Variants in BRD10 observed in about 807,000 individuals in gnomAD.
BRD10 encodes the protein uncharacterized bromodomain-containing protein 10.
chr9:6,007,326 G>A, the BRD10 span: 48 of 1,613,688 alleles, frequency 3.0e-5, no homozygotes, highest in South Asian at 4.7e-4. Context: ...CGAACTCGGT[G>A]ATGCCCCCGT....
chr9:5,965,888 C>G, the BRD10 span, among the ~76,000 whole-genome samples: 2 of 152,224 alleles, frequency 1.3e-5, no homozygotes, highest in East Asian at 3.9e-4. Context: ...CTCAGATAGA[C>G]AAGTGGACTG....
At chr9:5,952,050 T>G in the BRD10 span, among the ~76,000 whole-genome samples, 3 of 151,358 alleles carry the variant, frequency 2.0e-5, no homozygotes, top group African/African-American at 7.3e-5. Context: ...GAGACAGAGT[T>G]TCCCTCATTG....
chr9:5,933,665 A>T, the BRD10 span: 2 of 404,286 alleles, frequency 4.9e-6, no homozygotes, highest in Non-Finnish European at 1.0e-5. Context: ...AAAGGAAAAT[A>T]AAAAATAACT....
the BRD10 span, among the ~76,000 whole-genome samples, chr9:5,958,169 T>G: frequency 6.6e-6 from 1 of 152,100 alleles, no homozygotes; most frequent in Non-Finnish European, 1.5e-5. Flanking sequence ...GTTACAAAAG[T>G]ATACCCTAAT....
At chr9:5,977,211 T>A in the BRD10 span, among the ~76,000 whole-genome samples, 1 of 152,182 alleles carries the variant, frequency 6.6e-6, no homozygotes, top group Non-Finnish European at 1.5e-5. Flanking sequence ...GATAATGCCA[T>A]CTGTGTGCAC....
At chr9:5,923,729 T>C in the BRD10 span, among the ~76,000 whole-genome samples, 1 of 152,236 alleles carries the variant, frequency 6.6e-6, no homozygotes, top group Non-Finnish European at 1.5e-5. Context: ...CAATCTATTC[T>C]ATTTCTAGAG....
At chr9:5,977,370 C>T in the BRD10 span, among the ~76,000 whole-genome samples, 2 of 152,082 alleles carry the variant, frequency 1.3e-5, no homozygotes, top group Non-Finnish European at 2.9e-5. Context: ...TGGTATAGGC[C>T]AGCATAAGGC....
the BRD10 span, among the ~76,000 whole-genome samples, chr9:5,986,205 T>G: frequency 6.6e-6 from 1 of 152,204 alleles, no homozygotes; most frequent in African/African-American, 2.4e-5. Flanking sequence ...CTCCCACTTA[T>G]GAGTGAGAAC....
the BRD10 span, among the ~76,000 whole-genome samples, chr9:5,930,767 G>A: frequency 5.9e-5 from 9 of 152,204 alleles, no homozygotes; most frequent in East Asian, 1.9e-4. Flanking sequence ...CACAAAGGAC[G>A]CAAGTTAAAA....
chr9:5,968,409 C>T, the BRD10 span: 1 of 1,612,604 alleles, frequency 6.2e-7, no homozygotes, highest in Non-Finnish European at 8.5e-7. Context: ...CTTATTTCAC[C>T]TGGACTAAGA....
chr9:5,958,808 G>C, the BRD10 span, among the ~76,000 whole-genome samples: 10 of 152,054 alleles, frequency 6.6e-5, no homozygotes, highest in African/African-American at 2.2e-4. Flanking sequence ...AAAAACTCAA[G>C]GGTATTTGTA....
At chr9:5,960,179 T>A in the BRD10 span, among the ~76,000 whole-genome samples, 1 of 152,322 alleles carries the variant, frequency 6.6e-6, no homozygotes, top group South Asian at 2.1e-4. Flanking sequence ...CTTTTTAACT[T>A]AGTTTTTTCA....
the BRD10 span, among the ~76,000 whole-genome samples, chr9:6,001,592 G>T: frequency 1.3e-5 from 2 of 152,126 alleles, no homozygotes; most frequent in South Asian, 2.1e-4. Flanking sequence ...AAGGGACAAG[G>T]TAATGTTTGT....
At chr9:5,914,408 TGG>T in the BRD10 span, among the ~76,000 whole-genome samples, 64 of 118,538 alleles carry the variant, frequency 5.4e-4, 4 homozygotes, top group South Asian at 1.7e-3. Flanking sequence ...CAAATCCAGA[TGG>T]TTTTTTTTTT....
the BRD10 span, among the ~76,000 whole-genome samples, chr9:5,881,083 G>C: frequency 1.3e-5 from 2 of 152,092 alleles, no homozygotes; most frequent in Admixed American, 6.5e-5. Flanking sequence ...TTCTGTCAAA[G>C]GGTTGGTTTA....
At chr9:5,930,043 G>A in the BRD10 span, among the ~76,000 whole-genome samples, 1 of 151,372 alleles carries the variant, frequency 6.6e-6, no homozygotes, top group South Asian at 2.1e-4. Context: ...GAATAACATA[G>A]GAACAATAAA....
At chr9:5,945,924 A>C in the BRD10 span, among the ~76,000 whole-genome samples, 10 of 152,104 alleles carry the variant, frequency 6.6e-5, no homozygotes, top group African/African-American at 2.2e-4. Flanking sequence ...CTGTACTTAT[A>C]AATTACTAAT....
At chr9:5,894,552 G>T in the BRD10 span, among the ~76,000 whole-genome samples, 1 of 152,292 alleles carries the variant, frequency 6.6e-6, no homozygotes, top group East Asian at 1.9e-4. The surrounding 1 kb of genome is among the most constrained non-coding windows in gnomAD (Gnocchi z 4.0). Flanking sequence ...GGTGTCTCAA[G>T]AGCTTAGAAG....
chr9:5,928,627 T>A, the BRD10 span, among the ~76,000 whole-genome samples: 1 of 152,152 alleles, frequency 6.6e-6, no homozygotes, highest in African/African-American at 2.4e-5. Context: ...TTCCCTCTGC[T>A]TTCCCCTCAG....
Sources: gnomAD v4.1 joint callset for allele counts (sites outside exome capture counted in the v4.1 genomes callset) on GRCh38, gnomAD v4.1.1 for gene constraint, Gnocchi (gnomAD v3.1) non-coding constraint, MANE v1.5 for transcripts, NCBI Gene and HGNC (gene_info 2026-07-23, HGNC 2026-07-21) for gene names.